The following ROBO1 variants were observed in gnomAD, a reference collection of about 807,000 sequenced individuals.
ROBO1 encodes roundabout homolog 1.
Under a neutral mutation model 195.9 loss-of-function variants are expected in ROBO1, and 149 were observed. That is an observed-to-expected ratio of 0.76 (90% CI 0.67 to 0.87). The LOEUF (loss-of-function observed/expected upper bound fraction) is 0.87, where lower values mean the gene tolerates loss of function less well. Ranked by LOEUF, ROBO1 falls within the 40% of genes least tolerant of loss-of-function variation. The pLI is 0.00. For synonymous variants in ROBO1, 816 were observed against 733.2 expected, an observed-to-expected ratio of 1.11 and a Z score of -1.82; for missense variants, 1,933 against 2,068.3, an observed-to-expected ratio of 0.93 and a Z score of 1.27.
At chr3:79,761,124 A>G (rs1704675906) in intron 1 of ROBO1, among the ~76,000 whole-genome samples, 1 of 148,118 alleles carries the variant, frequency 6.8e-6, no homozygotes, top group South Asian at 2.1e-4. Context: ...TTTTTACCAT[A>G]CCTACTAAAT....
intron 1 of ROBO1, among the ~76,000 whole-genome samples, chr3:79,683,836 T>G (rs78727982): frequency 0.15 from 22,727 of 152,156 alleles, 2,184 homozygotes; most frequent in Middle Eastern, 0.21. Flanking sequence ...GTATACTGTG[T>G]ATCTATTCAT....
chr3:79,150,706 A>G lies in ROBO1; in HGVS notation c.89-25167T>C, dbSNP rs938546315. Among the ~76,000 whole-genome samples, 5 of 151,992 alleles carry G rather than the reference A, an allele frequency of 3.3e-5. No individual in the cohort carries two copies. The East Asian group carries it at 7.8e-4, about 24-fold the overall frequency. On this transcript the variant is annotated intron_variant, in intron 2 of 30. Coordinates refer to ENST00000464233, the MANE Select transcript of ROBO1 (RefSeq NM_002941.4). ...TATAAATATTTGCATTCTATTTCAG[A>G]AAGAGCTACAGGTTTACACATAAAT... is the stretch of plus-strand genomic sequence containing the variant.
chr3:78,669,571 A>G (rs1381455868), intron 11 of ROBO1, among the ~76,000 whole-genome samples: 1 of 152,200 alleles, frequency 6.6e-6, no homozygotes, highest in Non-Finnish European at 1.5e-5. Context: ...AAATCCTTAA[A>G]TGGTTCCTAC....
intron 4 of ROBO1, among the ~76,000 whole-genome samples, chr3:78,769,216 G>C: frequency 6.6e-6 from 1 of 152,092 alleles, no homozygotes; most frequent in Non-Finnish European, 1.5e-5. Flanking sequence ...AGGTCTATTA[G>C]TAATTGTTTT....
intron 2 of ROBO1, among the ~76,000 whole-genome samples, chr3:79,263,466 T>C (rs1266917356): frequency 6.6e-6 from 1 of 151,910 alleles, no homozygotes; most frequent in African/African-American, 2.4e-5. Context: ...CTGGTCAACA[T>C]AGCAAGACCC....
chr3:79,549,301 T>G (rs908965271), intron 2 of ROBO1, among the ~76,000 whole-genome samples: 2 of 152,076 alleles, frequency 1.3e-5, no homozygotes. Flanking sequence ...ATATACGACA[T>G]AAAATAAATA....
chr3:79,405,903 A>C (rs946855232), intron 2 of ROBO1, among the ~76,000 whole-genome samples: 1 of 152,306 alleles, frequency 6.6e-6, no homozygotes, highest in East Asian at 1.9e-4. Flanking sequence ...TAGTGCTCTT[A>C]AAGAAGAGGA....
chr3:79,538,607 T>C (rs1254802825), intron 2 of ROBO1, among the ~76,000 whole-genome samples: 1 of 152,124 alleles, frequency 6.6e-6, no homozygotes, highest in Non-Finnish European at 1.5e-5. Context: ...ACATCAACAA[T>C]AGCAAGGCCA....
At chr3:78,769,066 C>G (rs147690726) in intron 4 of ROBO1, among the ~76,000 whole-genome samples, 1 of 152,186 alleles carries the variant, frequency 6.6e-6, no homozygotes, top group African/African-American at 2.4e-5. Flanking sequence ...CTGTACATAT[C>G]TGTCAAGTAC....
chr3:78,741,255 T>C (rs879534883), intron 5 of ROBO1, among the ~76,000 whole-genome samples: 1 of 152,176 alleles, frequency 6.6e-6, no homozygotes, highest in East Asian at 1.9e-4. Flanking sequence ...GTTCATTTTA[T>C]AGAAATCCAA....
At chr3:79,170,717 T>C (rs753620207) in intron 2 of ROBO1, among the ~76,000 whole-genome samples, 48 of 152,120 alleles carry the variant, frequency 3.2e-4, no homozygotes, top group Non-Finnish European at 6.5e-4. Context: ...TTATTTTTTT[T>C]TCTCTTAGGA....
At chr3:79,067,085 A>C (rs976226694) in intron 3 of ROBO1, among the ~76,000 whole-genome samples, 3 of 152,080 alleles carry the variant, frequency 2.0e-5, no homozygotes, top group East Asian at 1.9e-4. Flanking sequence ...ACATGGAAAA[A>C]TTTTAGTGGG....
chr3:79,723,406 A>G (rs1241213869), intron 1 of ROBO1, among the ~76,000 whole-genome samples: 1 of 152,192 alleles, frequency 6.6e-6, no homozygotes, highest in African/African-American at 2.4e-5. Flanking sequence ...AATAAAAAGA[A>G]CCTTGAATTA....
intron 2 of ROBO1, among the ~76,000 whole-genome samples, chr3:79,569,033 A>G (rs1943185018): frequency 6.6e-6 from 1 of 152,214 alleles, no homozygotes; most frequent in Admixed American, 6.5e-5. Flanking sequence ...AAAAAAATGT[A>G]GTACTGAATT....
At chr3:78,933,112 C>T (rs915587655) in intron 4 of ROBO1, among the ~76,000 whole-genome samples, 2 of 152,086 alleles carry the variant, frequency 1.3e-5, no homozygotes, top group Non-Finnish European at 2.9e-5. Flanking sequence ...TTAAGATAGA[C>T]TATAACCTGA....
chr3:78,651,984 G>T, intron 18 of ROBO1, 55 bp from the exon 19 acceptor site: 1 of 1,330,644 alleles, frequency 7.5e-7, no homozygotes, highest in Non-Finnish European at 1.0e-6. Context: ...AATAATGCAC[G>T]CACTCATTTG....
At chr3:79,328,029 C>T (rs1228683909) in intron 2 of ROBO1, among the ~76,000 whole-genome samples, 2 of 151,924 alleles carry the variant, frequency 1.3e-5, no homozygotes, top group South Asian at 4.2e-4. Flanking sequence ...AGCTATTAAC[C>T]AAGTATATTT....
At chr3:79,435,924 T>C (rs2038869781) in intron 2 of ROBO1, among the ~76,000 whole-genome samples, 1 of 152,140 alleles carries the variant, frequency 6.6e-6, no homozygotes. Flanking sequence ...TCAATTTTCC[T>C]ATAAAAAGCT....
chr3:78,626,622 A>G (rs1016668810), intron 26 of ROBO1, among the ~76,000 whole-genome samples: 20 of 152,252 alleles, frequency 1.3e-4, no homozygotes, highest in African/African-American at 4.8e-4. Context: ...ATGAGAGAAG[A>G]GCTAAAATGG....
Sources: allele counts gnomAD v4.1 joint callset (sites outside exome capture counted in the v4.1 genomes callset), GRCh38; gene constraint gnomAD v4.1.1; transcripts MANE v1.5; gene names NCBI Gene and HGNC (gene_info 2026-07-23, HGNC 2026-07-21).